Variants in R3HDM1 observed in about 807,000 individuals in gnomAD.
The protein encoded by R3HDM1 is R3H domain-containing protein 1.
A neutral mutation model predicts 141.1 loss-of-function variants in R3HDM1; 46 were observed. That is an observed-to-expected ratio of 0.33 (90% CI 0.26 to 0.42). R3HDM1 has a LOEUF of 0.42. Ranked by LOEUF, R3HDM1 falls within the 10% of genes least tolerant of loss-of-function variation. The pLI, the probability that R3HDM1 is intolerant of heterozygous loss-of-function variation, is 1.00. For missense variants in R3HDM1, 1,184 were observed against 1,368.3 expected, an observed-to-expected ratio of 0.87 and a Z score of 2.12; for synonymous variants, 435 against 472.9, an observed-to-expected ratio of 0.92 and a Z score of 1.04.
intron 1 of R3HDM1, chr2:135,534,032 A>G: frequency 2.0e-6 from 2 of 984,960 alleles, no homozygotes; most frequent in Non-Finnish European, 2.4e-6. Context: ...GCCTTAGAAC[A>G]CATTCTGTTA....
chr2:135,629,416 C>G (rs1053091564), intron 7 of R3HDM1, among the ~76,000 whole-genome samples: 1 of 152,050 alleles, frequency 6.6e-6, no homozygotes, highest in Non-Finnish European at 1.5e-5. Context: ...AAATTCTTCA[C>G]CCTCCCCTAA....
chr2:135,567,081 A>T (rs1230091006), intron 1 of R3HDM1, among the ~76,000 whole-genome samples: 1 of 152,098 alleles, frequency 6.6e-6, no homozygotes, highest in Non-Finnish European at 1.5e-5. Flanking sequence ...AGTGTTTTCA[A>T]GTGTGAAAGA....
intron 1 of R3HDM1, chr2:135,590,731 C>T: frequency 3.0e-6 from 3 of 985,258 alleles, no homozygotes; most frequent in African/African-American, 1.7e-5. Context: ...AGCAGCAGCA[C>T]CTTCAAGCTG....
At chr2:135,600,137 AG>A in intron 1 of R3HDM1, among the ~76,000 whole-genome samples, 1 of 109,400 alleles carries the variant, frequency 9.1e-6, no homozygotes, top group Middle Eastern at 7.9e-3. Context: ...TTGTAGAGAT[AG>A]GGTTTGCTAT....
intron 19 of R3HDM1, chr2:135,669,259 G>A: frequency 2.0e-6 from 2 of 985,320 alleles, no homozygotes; most frequent in Non-Finnish European, 2.4e-6. Context: ...GACATTGTGG[G>A]CTAATCATAT....
At position 135,710,115 on chromosome 2, in the gene R3HDM1, A is replaced by G; in HGVS notation, c.2620A>G (p.Asn874Asp). ...GMVMMQLSVP[N>D]NPQSCAHSPP... is the part of the protein sequence containing the mutation. ...GGTGATGATGCAGCTCAGTGTACCAAACAATCCACAATCTTGTGCCCACTC... is the reference window on the plus strand; with the variant it reads ...GGTGATGATGCAGCTCAGTGTACCAGACAATCCACAATCTTGTGCCCACTC... Residue 874 changes from asparagine (N) to aspartate (D), a missense_variant, in exon 23 of 27, where the codon AAC (asparagine) becomes GAC (aspartate). Transcript: ENST00000683871. The G allele has an allele frequency of 6.2e-7, 1 of 1,614,160 alleles. No individual in the cohort carries two copies. The highest frequency in any genetic ancestry group is 8.5e-7 in the Non-Finnish European group (1 of 1,180,022).
At chr2:135,709,965 GA>G in intron 22 of R3HDM1, 93 bp from the exon 23 acceptor site, 2 of 1,300,450 alleles carry the variant, frequency 1.5e-6, no homozygotes, top group Non-Finnish European at 2.1e-6. Flanking sequence ...ATTTTATTCA[GA>G]AATGTAAAAT....
intron 9 of R3HDM1, chr2:135,633,974 G>A (rs370345551): frequency 1.3e-5 from 2 of 152,236 alleles, no homozygotes. Flanking sequence ...TAAACTCCAT[G>A]AATAAGAAAA....
intron 1 of R3HDM1, among the ~76,000 whole-genome samples, chr2:135,571,979 C>T (rs1357008724): frequency 6.7e-6 from 1 of 149,630 alleles, no homozygotes; most frequent in Non-Finnish European, 1.5e-5. Context: ...TGTCTCACTT[C>T]GTCATCCAGG....
intron 1 of R3HDM1, chr2:135,584,173 T>C (rs1707373008): frequency 1.6e-6 from 1 of 625,742 alleles, no homozygotes; most frequent in African/African-American, 2.0e-5. Context: ...AATAAAAATA[T>C]AAATATTAAC....
intron 21 of R3HDM1, 95 bp from the exon 22 acceptor site, chr2:135,709,338 G>T: frequency 3.3e-6 from 5 of 1,521,562 alleles, no homozygotes; most frequent in Admixed American, 2.0e-5. Flanking sequence ...CTCCCAAAGT[G>T]CTGGGATTAC....
At position 135,602,712 on chromosome 2, in the gene R3HDM1, A is replaced by G. The variant is rs1289051143; in HGVS notation, c.-41+4A>G. ...CCAAATCCAAAGGACGCATCAGGTA[A>G]TGCTTCCCTGTCATTCAGAAAAACA... On this transcript the variant is annotated splice_donor_region_variant and intron_variant, in intron 2 of 26. Coordinates refer to ENST00000683871, the MANE Select transcript of R3HDM1 (RefSeq NM_001378107.1). 1 of 1,492,932 alleles carries G rather than the reference A, an allele frequency of 6.7e-7. No individual in the cohort carries two copies. The allele number at this position is 1,492,932 out of a possible 1,614,324, so 92.5% of individuals were successfully genotyped here.
At chr2:135,547,767 C>CTTTTTTTT (rs56950620) in intron 1 of R3HDM1, among the ~76,000 whole-genome samples, 39 of 107,376 alleles carry the variant, frequency 3.6e-4, no homozygotes, top group Admixed American at 5.4e-4. Flanking sequence ...TTTTTCTTTT[C>CTTTTTTTT]TTTTTTTTTT....
chr2:135,691,659 G>C (rs1575053159), intron 21 of R3HDM1, among the ~76,000 whole-genome samples: 1 of 151,878 alleles, frequency 6.6e-6, no homozygotes, highest in East Asian at 1.9e-4. Flanking sequence ...TGGATTTGGT[G>C]GTGGGCCCCT....
intron 1 of R3HDM1, among the ~76,000 whole-genome samples, chr2:135,601,785 C>T (rs1413156347): frequency 1.3e-5 from 2 of 152,240 alleles, no homozygotes; most frequent in East Asian, 1.9e-4. Context: ...ACCTCAACCT[C>T]GCAAGTAACT....
chr2:135,654,244 C>T (rs2065493970), intron 18 of R3HDM1, among the ~76,000 whole-genome samples: 1 of 151,648 alleles, frequency 6.6e-6, no homozygotes. Context: ...TTGTGTCTGA[C>T]TTCATTCATT....
rs2065197369 is a variant in R3HDM1, at chr2:135,651,977, C to T, written c.1973C>T (p.Pro658Leu). Reference protein sequence around the residue: ...PTAGYPASGHPVSQPVLQQQG... With the variant: ...PTAGYPASGHLVSQPVLQQQG... ...GCTGGATATCCTGCCTCTGGTCATC[C>T]TGTCAGCCAGCCTGTGCTCCAGCAG... Residue 658 changes from proline to leucine, a missense_variant, in exon 18 of 27, where the codon CCT becomes CTT. This residue lies in a region of R3HDM1 where 563 missense variants were observed against 562.0 expected (regional missense o/e 1.00). Coordinates refer to ENST00000683871, the MANE Select transcript of R3HDM1 (RefSeq NM_001378107.1). 2.5e-6 allele frequency: 4 copies of T among 1,612,152 alleles called. No individual in the cohort carries two copies. Among genetic ancestry groups the T allele is most frequent in the Non-Finnish European group, 3.4e-6 (4 of 1,178,768 alleles).
chr2:135,631,311 A>C (rs2062691545), intron 7 of R3HDM1, among the ~76,000 whole-genome samples: 1 of 152,052 alleles, frequency 6.6e-6, no homozygotes, highest in Non-Finnish European at 1.5e-5. Context: ...AAAAACTAAA[A>C]TGCTTTTATT....
intron 23 of R3HDM1, among the ~76,000 whole-genome samples, chr2:135,712,449 T>TTTTG (rs2075757843): frequency 6.6e-6 from 1 of 150,814 alleles, no homozygotes; most frequent in Non-Finnish European, 1.5e-5. Flanking sequence ...TTTTTTTTTT[T>TTTTG]TTTATAGAGA....
Sources: gnomAD v4.1 joint callset for allele counts (sites outside exome capture counted in the v4.1 genomes callset) on GRCh38, gnomAD v4.1.1 for gene constraint, gnomAD v4.1.1 regional missense constraint, MANE v1.5 for transcripts, NCBI Gene and HGNC (gene_info 2026-07-23, HGNC 2026-07-21) for gene names.